Variants in LPA observed in about 807,000 individuals in gnomAD.
LPA encodes apolipoprotein(a).
A neutral mutation model predicts 197.9 loss-of-function variants in LPA; 199 were observed. The ratio of observed to expected loss-of-function variants is 1.01; its 90% CI spans 0.90 to 1.13. The LOEUF (loss-of-function observed/expected upper bound fraction) is 1.13. Among genes scored for constraint, LPA ranks in the 50% most tolerant of loss-of-function variants. The probability of loss-of-function intolerance (pLI) is 0.00; values close to 1 mark genes in which losing one functional copy is unlikely to be tolerated. For synonymous variants in LPA, 715 were observed against 639.5 expected (o/e 1.12, Z -1.78); for missense variants, 1,853 against 1,785.8 (o/e 1.04, Z -0.68).
intron 28 of LPA, among the ~76,000 whole-genome samples, chr6:160,566,807 C>A (rs1778463781): frequency 6.6e-6 from 1 of 152,076 alleles, no homozygotes; most frequent in Admixed American, 6.6e-5. Context: ...ATCTACCAAG[C>A]AAATGGAAAA....
chr6:160,604,942 A>T, intron 18 of LPA, 104 bp downstream of exon 18: 5 of 1,540,488 alleles, frequency 3.2e-6, no homozygotes, highest in Non-Finnish European at 4.5e-6. Context: ...TGCACTGTTC[A>T]TCTGAGACAA....
At chr6:160,545,651 C>T in intron 32 of LPA, 118 bp from the exon 33 acceptor site, 1 of 733,780 alleles carries the variant, frequency 1.4e-6, no homozygotes, top group Admixed American at 2.0e-5. Context: ...GTTCCTTCTT[C>T]CTTTCTATCA....
intron 22 of LPA, among the ~76,000 whole-genome samples, 193 bp downstream of exon 22, chr6:160,593,765 T>C (rs578061870): frequency 4.3e-4 from 65 of 152,340 alleles, no homozygotes; most frequent in African/African-American, 1.3e-3. Flanking sequence ...TTCTGTCAAC[T>C]ATGAGAAAAG....
chr6:160,611,450 C>T (rs541029006), intron 16 of LPA, 112 bp downstream of exon 16: 16 of 1,533,842 alleles, frequency 1.0e-5, no homozygotes, highest in Admixed American at 8.3e-5. Context: ...TTTTGCTACA[C>T]CATCTGAATC....
chr6:160,547,514 A>G (rs552350149), intron 32 of LPA, among the ~76,000 whole-genome samples: 2 of 152,184 alleles, frequency 1.3e-5, no homozygotes, highest in African/African-American at 4.8e-5. Context: ...CAGTACCAGT[A>G]CCAGTACTGG....
intron 28 of LPA, among the ~76,000 whole-genome samples, chr6:160,558,055 G>T (rs1778297150): frequency 6.6e-6 from 1 of 151,970 alleles, no homozygotes; most frequent in Non-Finnish European, 1.5e-5. Flanking sequence ...GAGTAGCTGG[G>T]ACTACAGGCG....
At chr6:160,547,299 C>T (rs1205232802) in intron 32 of LPA, among the ~76,000 whole-genome samples, 1 of 152,148 alleles carries the variant, frequency 6.6e-6, no homozygotes, top group Non-Finnish European at 1.5e-5. Flanking sequence ...AATCTAGATT[C>T]CTCACATGTG....
chr6:160,576,332 GTGTGTGTGTATATATATATA>G (rs1562327763), intron 28 of LPA, among the ~76,000 whole-genome samples: 2 of 79,234 alleles, frequency 2.5e-5, no homozygotes, highest in African/African-American at 8.8e-5. Flanking sequence ...GTGTGTGTGT[GTGTGTGTGTATATATATATA>G]TATATATATA....
chr6:160,609,329 C>T (rs182190043), intron 16 of LPA, among the ~76,000 whole-genome samples: 52 of 152,074 alleles, frequency 3.4e-4, no homozygotes, highest in Admixed American at 1.6e-3. Flanking sequence ...TCTTCTTGTT[C>T]CTCATTATCA....
At chr6:160,576,349 T>TACAC in intron 28 of LPA, among the ~76,000 whole-genome samples, 1 of 20,560 alleles carries the variant, frequency 4.9e-5, no homozygotes, top group African/African-American at 2.4e-4. Flanking sequence ...TGTATATATA[T>TACAC]ATATATATAT....
intron 33 of LPA, among the ~76,000 whole-genome samples, chr6:160,544,949 A>G (rs1778041679): frequency 6.6e-6 from 1 of 152,186 alleles, no homozygotes. Context: ...GAGAAAGGCC[A>G]TCTGGGGCTA....
chr6:160,552,098 G>T (rs934279056), intron 30 of LPA, among the ~76,000 whole-genome samples: 1 of 152,090 alleles, frequency 6.6e-6, no homozygotes, highest in Non-Finnish European at 1.5e-5. Context: ...TTTTTGTAGA[G>T]AGAGGGTCTC....
chr6:160,646,873 A>C (rs1230491504), intron 2 of LPA, among the ~76,000 whole-genome samples: 7 of 147,918 alleles, frequency 4.7e-5, no homozygotes, highest in Non-Finnish European at 7.6e-5. Context: ...CTTCAGAGAA[A>C]ACATGGCATC....
intron 24 of LPA, among the ~76,000 whole-genome samples, chr6:160,587,549 C>T (rs1778934254): frequency 6.6e-6 from 1 of 152,076 alleles, no homozygotes; most frequent in South Asian, 2.1e-4. Context: ...CTTTAAAATT[C>T]TATACCTGAG....
At chr6:160,601,130 A>C (rs905951554) in intron 18 of LPA, 32 bp from the exon 19 acceptor site, 8 of 1,604,816 alleles carry the variant, frequency 5.0e-6, no homozygotes, top group Non-Finnish European at 6.8e-6. Context: ...ACATCACAAA[A>C]AATGGGTACA....
At chr6:160,649,652 A>G (rs961590256) in intron 2 of LPA, among the ~76,000 whole-genome samples, 2 of 152,180 alleles carry the variant, frequency 1.3e-5, no homozygotes, top group African/African-American at 4.8e-5. Context: ...GTCCTCTACC[A>G]TCTATTGTCC....
intron 14 of LPA, 54 bp from the exon 15 acceptor site, chr6:160,613,167 AC>A (rs1779549645): frequency 8.7e-6 from 3 of 343,884 alleles, no homozygotes; most frequent in Non-Finnish European, 1.1e-5. Context: ...ATGCAGGGGC[AC>A]CCCACACTCT....
chr6:160,540,665 C>A (rs894671704), intron 35 of LPA, among the ~76,000 whole-genome samples: 1 of 152,222 alleles, frequency 6.6e-6, no homozygotes, highest in African/African-American at 2.4e-5. Flanking sequence ...TGATTGTAAT[C>A]TTCCTTAGGC....
At chr6:160,661,849 CA>C (rs1167973801) in intron 1 of LPA, among the ~76,000 whole-genome samples, 8 of 152,168 alleles carry the variant, frequency 5.3e-5, no homozygotes, top group African/African-American at 9.7e-5. Flanking sequence ...GACTTCAAAA[CA>C]CACAATAAAT....
Sources: gnomAD v4.1 joint callset for allele counts (sites outside exome capture counted in the v4.1 genomes callset) on GRCh38, gnomAD v4.1.1 for gene constraint, MANE v1.5 for transcripts, NCBI Gene and HGNC (gene_info 2026-07-23, HGNC 2026-07-21) for gene names.